XKR7: variants seen among roughly 807,000 people sequenced by gnomAD.
The protein encoded by XKR7 is XK-related protein 7.
A neutral mutation model predicts 42.2 loss-of-function variants in XKR7; 11 were observed. The observed-to-expected ratio is 0.26, with a 90% confidence interval of 0.16 to 0.43. The LOEUF (loss-of-function observed/expected upper bound fraction) is 0.43. XKR7 is among the 20% of genes least tolerant of loss of function. The probability of loss-of-function intolerance (pLI) is 1.00; values close to 1 mark genes in which losing one functional copy is unlikely to be tolerated. For synonymous variants in XKR7, 346 were observed against 366.4 expected (o/e 0.94, Z 0.64); for missense variants, 710 against 802.2 (o/e 0.89, Z 1.39).
In XKR7 at chr20:31,995,257, C is replaced by G. The variant is rs1357714050; in HGVS notation, c.774C>G (p.Pro258=). ...LSLLVHRGGA[P]DLLPALSTSA... ...TGCTGGTGCACCGCGGTGGCGCGCC[C>G]GACCTGCTGCCGGGTGAGCCCGCCC... Residue 258 remains proline, a synonymous_variant, in exon 2 of 3, where the codon CCC becomes CCG. Coordinates refer to ENST00000562532, the MANE Select transcript of XKR7 (RefSeq NM_001011718.2). The surrounding 1 kb of genome is among the most constrained non-coding windows in gnomAD (Gnocchi z 4.1). 4.6e-6 allele frequency: 7 copies of G among 1,537,056 alleles called. No homozygotes were observed. The highest frequency in any genetic ancestry group is 6.1e-6 in the Non-Finnish European group (7 of 1,146,036).
chr20:31,994,026 C>T (rs180785985), intron 1 of XKR7, among the ~76,000 whole-genome samples: 4 of 152,210 alleles, frequency 2.6e-5, no homozygotes, highest in East Asian at 1.9e-4. Flanking sequence ...CAAGAAGAGC[C>T]GGAGTTTGTT....
At chr20:31,992,382 T>A (rs191479705) in intron 1 of XKR7, among the ~76,000 whole-genome samples, 1 of 152,216 alleles carries the variant, frequency 6.6e-6, no homozygotes, top group Non-Finnish European at 1.5e-5. Context: ...GGGAGACAAA[T>A]TTCTGCTTAT....
intron 1 of XKR7, among the ~76,000 whole-genome samples, chr20:31,977,235 A>G (rs926480383): frequency 3.3e-5 from 5 of 152,232 alleles, no homozygotes; most frequent in Non-Finnish European, 5.9e-5. Flanking sequence ...TAGGTACTCA[A>G]TAAATGTTGG....
intron 1 of XKR7, among the ~76,000 whole-genome samples, chr20:31,969,744 G>T (rs1271549594): frequency 6.6e-6 from 1 of 152,162 alleles, no homozygotes; most frequent in Non-Finnish European, 1.5e-5. Flanking sequence ...TCTTATCATT[G>T]CATTATTCTT....
rs775246235 is a variant in XKR7, at chr20:31,997,166, G to T, written c.1449G>T (p.Glu483Asp). The T allele has an allele frequency of 6.3e-5, 101 of 1,610,856 alleles. No individual in the cohort carries two copies. Among genetic ancestry groups the T allele is most frequent in the Non-Finnish European group, 8.1e-5 (95 of 1,180,012 alleles). Residue 483 changes from glutamate (E) to aspartate (D), a missense_variant, in exon 3 of 3, where the codon GAG becomes GAT. Glu to Asp is a conservative substitution (Grantham distance 45). Around this residue, in one of 2 missense-constraint regions of XKR7, gnomAD observed 708 missense variants for 786.2 expected, o/e 0.90. Coordinates refer to ENST00000562532, the MANE Select transcript of XKR7 (RefSeq NM_001011718.2). The stretch of plus-strand genomic sequence containing the variant: ...CCCTGCCAAGGACTACAGGTGCTGA[G>T]CGGGATGGGGCCTCGGCGGGAGAGC... ...PRSLPRTTGAERDGASAGERA... is the reference protein window; with the variant it reads ...PRSLPRTTGADRDGASAGERA...
chr20:31,993,731 C>T (rs550407394), intron 1 of XKR7, among the ~76,000 whole-genome samples: 10 of 152,324 alleles, frequency 6.6e-5, no homozygotes, highest in Non-Finnish European at 1.5e-4. Flanking sequence ...GAGATGTGCA[C>T]ATAACCAGGC....
chr20:31,976,356 G>C (rs1175141495), intron 1 of XKR7, among the ~76,000 whole-genome samples: 1 of 152,018 alleles, frequency 6.6e-6, no homozygotes, highest in East Asian at 1.9e-4. Flanking sequence ...TAGAGAAGCA[G>C]AAGAAAAAAT....
chr20:31,997,436 G>A lies in XKR7; in HGVS notation c.1719G>A (p.Leu573=), dbSNP rs1328668517. 1 of 1,597,990 alleles carries A rather than the reference G, an allele frequency of 6.3e-7. No homozygotes were observed. Among genetic ancestry groups the A allele is most frequent in the Non-Finnish European group, 8.5e-7 (1 of 1,179,228 alleles). The change falls in exon 3 of 3, where the codon CTG becomes CTA. Residue 573 remains leucine, a synonymous_variant. Coordinates refer to ENST00000562532, the MANE Select transcript of XKR7 (RefSeq NM_001011718.2). Reference sequence around the variant, plus strand: ...GTGTGGGGACTTCCCAGGAGCTGCTGGAGTATGAGACCACAGTGTAGGCTA... The same window carrying A: ...GTGTGGGGACTTCCCAGGAGCTGCTAGAGTATGAGACCACAGTGTAGGCTA... ...YRSVGTSQEL[L]EYETTV
chr20:31,973,756 C>T (rs2064474023), intron 1 of XKR7, among the ~76,000 whole-genome samples: 2 of 152,220 alleles, frequency 1.3e-5, no homozygotes, highest in East Asian at 1.9e-4. Flanking sequence ...TTGGCAGGGG[C>T]GAGGTCATGC....
At position 31,995,331 on chromosome 20, in the gene XKR7, T is replaced by G. The variant is rs545235922; in HGVS notation, c.787+61T>G. 156 of 1,530,204 alleles carry G rather than the reference T, an allele frequency of 1.0e-4. 1 individual carries two copies. The African/African-American group carries it at 2.0e-3, about 19-fold the overall frequency. 94.8% of individuals were successfully genotyped at this position (1,530,204 alleles called of 1,614,324 possible). A position where few individuals can be genotyped will look rare whatever the true frequency, so the allele number is the denominator to read the frequency against. On this transcript the variant is annotated intron_variant, in intron 2 of 2. Coordinates refer to ENST00000562532, the MANE Select transcript of XKR7 (RefSeq NM_001011718.2). The surrounding 1 kb of genome is among the most constrained non-coding windows in gnomAD (Gnocchi z 4.1). Reference sequence around the variant, plus strand: ...ACCCCACCGGGCCTTTCTCCCTGCTTCAGGCTCCCTGGGGATGCCCTGTGG... The same window carrying G: ...ACCCCACCGGGCCTTTCTCCCTGCTGCAGGCTCCCTGGGGATGCCCTGTGG...
At chr20:31,976,203 A>C (rs546212639) in intron 1 of XKR7, among the ~76,000 whole-genome samples, 1 of 152,326 alleles carries the variant, frequency 6.6e-6, no homozygotes, top group African/African-American at 2.4e-5. Context: ...GGCACAGAGA[A>C]GAGTGGCCTT....
intron 1 of XKR7, among the ~76,000 whole-genome samples, chr20:31,978,649 T>G (rs982031367): frequency 1.3e-5 from 2 of 152,260 alleles, no homozygotes; most frequent in South Asian, 2.1e-4. Flanking sequence ...CCGGTATGAC[T>G]GAGGAACTAA....
rs1397345415 is a variant in XKR7 at position 31,995,865 on chromosome 20, CT to C, written c.787+596del. On this transcript the variant is annotated intron_variant, in intron 2 of 2. Transcript: ENST00000562532. The surrounding 1 kb of genome is among the most constrained non-coding windows in gnomAD (Gnocchi z 4.1). Reference sequence around the variant, plus strand: ...AATATCAGAGAAAAACCGCATCCCCCTGTCTCCCTGAAGCACTCCGTGCTCT... The same window carrying C: ...AATATCAGAGAAAAACCGCATCCCCCGTCTCCCTGAAGCACTCCGTGCTCT... 2.6e-5 allele frequency among the ~76,000 whole-genome samples: 4 copies of C among 152,038 alleles called. No individual in the cohort carries two copies. The highest frequency in any genetic ancestry group is 9.7e-5 in the African/African-American group (4 of 41,396).
At chr20:31,984,890 G>T (rs1476530086) in intron 1 of XKR7, among the ~76,000 whole-genome samples, 27 of 152,176 alleles carry the variant, frequency 1.8e-4, no homozygotes, top group Admixed American at 1.8e-3. Context: ...GCACTAACTT[G>T]CTGTGTGACT....
intron 1 of XKR7, among the ~76,000 whole-genome samples, chr20:31,986,599 G>C (rs1253424183): frequency 1.5e-5 from 2 of 133,212 alleles, no homozygotes; most frequent in African/African-American, 6.1e-5. Flanking sequence ...GACACAGACA[G>C]ACAGACCACC....
At chr20:31,994,507 C>CAGGAGTT (rs1375314485) in intron 1 of XKR7, among the ~76,000 whole-genome samples, 3 of 152,068 alleles carry the variant, frequency 2.0e-5, no homozygotes, top group African/African-American at 7.2e-5. Flanking sequence ...GAGATGAGGC[C>CAGGAGTT]AGGAGTTCAA....
chr20:31,992,053 G>A (rs2064572545), intron 1 of XKR7, among the ~76,000 whole-genome samples: 1 of 151,874 alleles, frequency 6.6e-6, no homozygotes, highest in Admixed American at 6.6e-5. Flanking sequence ...GGAAGCGGAG[G>A]TTGTGGTGAG....
intron 1 of XKR7, among the ~76,000 whole-genome samples, chr20:31,982,342 G>A (rs1392591029): frequency 6.6e-6 from 1 of 151,960 alleles, no homozygotes; most frequent in Non-Finnish European, 1.5e-5. Flanking sequence ...CTGACATGGC[G>A]AAACCCTGTC....
At chr20:31,970,934 C>T (rs545983361) in intron 1 of XKR7, 2 of 152,288 alleles carry the variant, frequency 1.3e-5, no homozygotes, top group African/African-American at 4.8e-5. Context: ...AATGGAGGCT[C>T]AGAGAGGGGG....
Sources: gnomAD v4.1 joint callset for allele counts (sites outside exome capture counted in the v4.1 genomes callset) on GRCh38, gnomAD v4.1.1 for gene constraint, gnomAD v4.1.1 regional missense constraint, Gnocchi (gnomAD v3.1) non-coding constraint, MANE v1.5 for transcripts, NCBI Gene and HGNC (gene_info 2026-07-23, HGNC 2026-07-21) for gene names.